The following SPMIP5 variants were observed in gnomAD, a reference collection of about 807,000 sequenced individuals.
The protein encoded by SPMIP5 is sperm-associated microtubule inner protein 5.
chr10:116,668,320 C>T, the SPMIP5 span: 3 of 1,609,580 alleles, frequency 1.9e-6, no homozygotes, highest in South Asian at 1.1e-5. Flanking sequence ...CATGATTTCG[C>T]TCTCTGTTAG....
the SPMIP5 span, among the ~76,000 whole-genome samples, chr10:116,666,455 ATTT>A: frequency 0.36 from 53,723 of 148,732 alleles, 10,584 homozygotes; most frequent in Middle Eastern, 0.48. Flanking sequence ...CAATAAAACC[ATTT>A]TTTTTTTTTT....
the SPMIP5 span, chr10:116,664,549 A>T: frequency 4.0e-6 from 4 of 996,946 alleles, no homozygotes; most frequent in Non-Finnish European, 5.5e-6. Flanking sequence ...GACCACAGGT[A>T]GAGCTGCTGG....
chr10:116,663,181 C>CAAAA, the SPMIP5 span, among the ~76,000 whole-genome samples: 2 of 96,886 alleles, frequency 2.1e-5, no homozygotes, highest in Admixed American at 2.1e-4. Context: ...GATTCTGTCT[C>CAAAA]AAAAAAAAAA....
At chr10:116,669,330 A>G in the SPMIP5 span, among the ~76,000 whole-genome samples, 1 of 152,202 alleles carries the variant, frequency 6.6e-6, no homozygotes, top group Non-Finnish European at 1.5e-5. Context: ...GGCTGACAGC[A>G]GTGAGGACTG....
chr10:116,665,638 A>C, the SPMIP5 span: 13 of 1,613,826 alleles, frequency 8.1e-6, no homozygotes, highest in African/African-American at 1.3e-5. Context: ...TGCAGATTGT[A>C]CTGGTGCAGG....
the SPMIP5 span, among the ~76,000 whole-genome samples, chr10:116,663,212 G>T: frequency 6.6e-6 from 1 of 151,330 alleles, no homozygotes; most frequent in African/African-American, 2.4e-5. Flanking sequence ...GAAGATGGCC[G>T]TGTGAAGGCA....
At chr10:116,668,457 C>T in the SPMIP5 span, 5 of 728,082 alleles carry the variant, frequency 6.9e-6, no homozygotes, top group East Asian at 2.6e-5. Flanking sequence ...GGCAGCACTA[C>T]CACCTTACCC....
At chr10:116,666,866 G>A in the SPMIP5 span, among the ~76,000 whole-genome samples, 1 of 152,148 alleles carries the variant, frequency 6.6e-6, no homozygotes, top group Admixed American at 6.5e-5. Context: ...TACCTTTATC[G>A]AGTCTCGCTA....
At chr10:116,664,372 G>A in the SPMIP5 span, 2 of 890,780 alleles carry the variant, frequency 2.2e-6, no homozygotes, top group Non-Finnish European at 3.3e-6. Flanking sequence ...GTAAATATAT[G>A]AACATGGTAT....
chr10:116,667,275 C>T, the SPMIP5 span, among the ~76,000 whole-genome samples: 8 of 152,188 alleles, frequency 5.3e-5, no homozygotes, highest in East Asian at 1.9e-4. Context: ...CCTTCCCTAG[C>T]GCCTTCAGAA....
At chr10:116,666,261 G>C in the SPMIP5 span, among the ~76,000 whole-genome samples, 1 of 152,112 alleles carries the variant, frequency 6.6e-6, no homozygotes, top group Non-Finnish European at 1.5e-5. Flanking sequence ...TCAGGAAATT[G>C]CAGGCTTATT....
chr10:116,669,450 C>T, the SPMIP5 span, among the ~76,000 whole-genome samples: 1 of 152,218 alleles, frequency 6.6e-6, no homozygotes, highest in Non-Finnish European at 1.5e-5. Flanking sequence ...CCCACCCATA[C>T]TGACCACCTG....
chr10:116,668,863 G>C, the SPMIP5 span, among the ~76,000 whole-genome samples: 1 of 151,436 alleles, frequency 6.6e-6, no homozygotes, highest in Non-Finnish European at 1.5e-5. Context: ...GCTGTCAGAA[G>C]TGGGGGATGG....
At chr10:116,663,055 G>A in the SPMIP5 span, among the ~76,000 whole-genome samples, 9 of 152,086 alleles carry the variant, frequency 5.9e-5, no homozygotes, top group South Asian at 4.2e-4. Flanking sequence ...GGTGGTGGGC[G>A]CCTGTAGTCC....
the SPMIP5 span, chr10:116,668,371 T>C: frequency 7.1e-7 from 1 of 1,414,588 alleles, no homozygotes. Flanking sequence ...CAAAAGTCAC[T>C]GCCTTAAGGA....
the SPMIP5 span, among the ~76,000 whole-genome samples, chr10:116,669,089 A>T: frequency 2.3e-4 from 35 of 152,018 alleles, no homozygotes; most frequent in Non-Finnish European, 4.1e-4. Context: ...CTGAAACATC[A>T]GTTTATGTGG....
the SPMIP5 span, among the ~76,000 whole-genome samples, chr10:116,666,468 T>C: frequency 1.6e-4 from 22 of 141,710 alleles, no homozygotes; most frequent in South Asian, 4.0e-3. Flanking sequence ...TTTTTTTTTT[T>C]TGAAGAACAA....
At chr10:116,668,144 C>T in the SPMIP5 span, 26 of 988,894 alleles carry the variant, frequency 2.6e-5, no homozygotes, top group Non-Finnish European at 3.2e-5. Context: ...GAAGCTAGAG[C>T]GCCTAGACTG....
chr10:116,662,893 G>A, the SPMIP5 span, among the ~76,000 whole-genome samples: 10 of 152,202 alleles, frequency 6.6e-5, no homozygotes, highest in East Asian at 1.9e-4. Flanking sequence ...GTAAGAAGAC[G>A]GCCGTGTGGC....
Sources: allele counts gnomAD v4.1 joint callset (sites outside exome capture counted in the v4.1 genomes callset), GRCh38; gene constraint gnomAD v4.1.1; transcripts MANE v1.5; gene names NCBI Gene and HGNC (gene_info 2026-07-23, HGNC 2026-07-21).